The following KLF8 variants were observed in gnomAD, a reference collection of about 807,000 sequenced individuals.
KLF8 encodes Krueppel-like factor 8.
KLF8 carries 10 observed loss-of-function variants against 18.2 expected under a neutral mutation model. The observed-to-expected ratio is 0.55, with a 90% confidence interval of 0.34 to 0.93. The LOEUF is 0.93. Among genes scored for constraint, KLF8 ranks in the 40% least tolerant of loss-of-function variants. The pLI is 0.02. For synonymous variants in KLF8, 109 were observed against 97.3 expected, an observed-to-expected ratio of 1.12 and a Z score of -0.71; for missense variants, 264 against 277.9, an observed-to-expected ratio of 0.95 and a Z score of 0.36.
the KLF8 span, among the ~76,000 whole-genome samples, chrX:56,096,478 A>G: frequency 9.0e-6 from 1 of 111,730 alleles, no homozygotes; most frequent in Non-Finnish European, 1.9e-5. Flanking sequence ...AAATTTCTAC[A>G]TGTTTAAAAT....
chrX:55,945,820 T>C, the KLF8 span, among the ~76,000 whole-genome samples: 1 of 110,743 alleles, frequency 9.0e-6, no homozygotes, highest in Non-Finnish European at 1.9e-5. Flanking sequence ...TGTACAAAAA[T>C]CACAAGCATT....
At chrX:55,947,651 C>G in the KLF8 span, among the ~76,000 whole-genome samples, 2 of 110,022 alleles carry the variant, frequency 1.8e-5, no homozygotes, top group East Asian at 5.7e-4. Context: ...AAAAAAAATG[C>G]AATAGACTCC....
chrX:56,143,271 C>T, the KLF8 span, among the ~76,000 whole-genome samples: 539 of 112,129 alleles, frequency 4.8e-3, 6 homozygotes, highest in African/African-American at 0.017. Context: ...ATGTCTTTCT[C>T]AGTTATCTCC....
chrX:56,198,971 C>A, the KLF8 span, among the ~76,000 whole-genome samples: 1 of 111,283 alleles, frequency 9.0e-6, no homozygotes, highest in African/African-American at 3.3e-5. Context: ...ACAATCCTCA[C>A]CAAAACAAGA....
intron 1 of KLF8, among the ~76,000 whole-genome samples, chrX:56,239,899 T>C (rs2066522541): frequency 8.9e-6 from 1 of 111,930 alleles, no homozygotes; most frequent in South Asian, 3.7e-4. Context: ...TCTTGAAATA[T>C]TGTACATCAC....
chrX:56,044,425 A>G, the KLF8 span, among the ~76,000 whole-genome samples: 1 of 112,414 alleles, frequency 8.9e-6, no homozygotes, highest in Non-Finnish European at 1.9e-5. Flanking sequence ...ACTGAACTAC[A>G]GAGATGTCAG....
the KLF8 span, among the ~76,000 whole-genome samples, chrX:55,966,085 G>A: frequency 8.9e-6 from 1 of 112,366 alleles, no homozygotes; most frequent in East Asian, 2.8e-4. Context: ...GAAGGACATT[G>A]TCTTGTGGCT....
chrX:56,209,821 C>T, the KLF8 span, among the ~76,000 whole-genome samples: 1 of 110,825 alleles, frequency 9.0e-6, no homozygotes, highest in African/African-American at 3.3e-5. Flanking sequence ...TTTGTGGTTA[C>T]CATGAGGCTT....
chrX:56,150,421 G>A, the KLF8 span, among the ~76,000 whole-genome samples: 20 of 112,034 alleles, frequency 1.8e-4, no homozygotes, highest in African/African-American at 6.5e-4. Context: ...CTGCTTTGAT[G>A]TCATTTTTAT....
the KLF8 span, among the ~76,000 whole-genome samples, chrX:56,207,331 C>T: frequency 3.6e-5 from 4 of 112,553 alleles, no homozygotes; most frequent in East Asian, 1.1e-3. Flanking sequence ...CATCATCAGG[C>T]TGCAAATTTT....
At chrX:56,203,079 C>A in the KLF8 span, among the ~76,000 whole-genome samples, 7 of 111,185 alleles carry the variant, frequency 6.3e-5, no homozygotes, top group African/African-American at 2.3e-4. Context: ...TGTATCCTTG[C>A]CAACATTTAT....
At position 56,284,572 on chromosome X, in the gene KLF8, T is replaced by C. The variant is rs2067248059; in HGVS notation, c.*78T>C. 2.2e-6 allele frequency: 2 copies of C among 890,104 alleles called. No homozygotes were observed. The highest frequency in any genetic ancestry group is 3.0e-6 in the Non-Finnish European group (2 of 664,569). The allele number at this position is 890,104 out of a possible 1,213,427, so 73.4% of individuals were successfully genotyped here. A position where few individuals can be genotyped will look rare whatever the true frequency, so the allele number is the denominator to read the frequency against. On this transcript the variant is annotated 3_prime_UTR_variant, in exon 6 of 6. Transcript: ENST00000468660. ...CTGAGGTTGGGACAATTTTTTCCTC[T>C]TTGACTTCAGCTTGCATATGGGGTT...
chrX:55,922,989 G>A, the KLF8 span, among the ~76,000 whole-genome samples: 1 of 111,453 alleles, frequency 9.0e-6, no homozygotes, highest in Admixed American at 9.5e-5. Context: ...TATACCCAGA[G>A]AAATAGAAAT....
At chrX:55,926,668 T>G in the KLF8 span, among the ~76,000 whole-genome samples, 1 of 111,128 alleles carries the variant, frequency 9.0e-6, no homozygotes, top group East Asian at 2.8e-4. Flanking sequence ...AAAAATATCC[T>G]TAGCCTGCTG....
chrX:56,087,462 A>G, the KLF8 span, among the ~76,000 whole-genome samples: 1 of 110,438 alleles, frequency 9.1e-6, no homozygotes, highest in Non-Finnish European at 1.9e-5. Flanking sequence ...TGCTCCTGCC[A>G]TGTGACATGC....
chrX:56,162,470 G>A, the KLF8 span, among the ~76,000 whole-genome samples: 7 of 111,690 alleles, frequency 6.3e-5, no homozygotes, highest in Admixed American at 9.5e-5. Flanking sequence ...CGGCAATGCC[G>A]GGAACCCCTC....
the KLF8 span, among the ~76,000 whole-genome samples, chrX:56,088,719 CATT>C: frequency 4.7e-4 from 53 of 111,597 alleles, no homozygotes; most frequent in Non-Finnish European, 8.3e-4. Context: ...AGATTTGACT[CATT>C]ATTATTGTCT....
At chrX:55,949,777 G>A in the KLF8 span, among the ~76,000 whole-genome samples, 1 of 107,710 alleles carries the variant, frequency 9.3e-6, no homozygotes, top group Non-Finnish European at 1.9e-5. Context: ...GCGACAGAGC[G>A]AGACTCCGTT....
At chrX:56,039,568 A>G in the KLF8 span, among the ~76,000 whole-genome samples, 1 of 111,506 alleles carries the variant, frequency 9.0e-6, no homozygotes. Context: ...AGAGTTATCT[A>G]TTATATTCCA....
Sources: allele counts gnomAD v4.1 joint callset (sites outside exome capture counted in the v4.1 genomes callset), GRCh38; gene constraint gnomAD v4.1.1; transcripts MANE v1.5; gene names NCBI Gene and HGNC (gene_info 2026-07-23, HGNC 2026-07-21).